Variants in HDAC9 observed in about 807,000 individuals in gnomAD.
HDAC9 encodes MEF-2 interacting transcription repressor (MITR) protein.
HDAC9 carries 41 observed loss-of-function variants against 139.4 expected under a neutral mutation model. That is an observed-to-expected ratio of 0.29 (90% CI 0.23 to 0.38). The LOEUF is 0.38. Among genes scored for constraint, HDAC9 ranks in the 10% least tolerant of loss-of-function variants. The pLI is 1.00. For synonymous variants in HDAC9, 517 were observed against 476.2 expected (o/e 1.09, Z -1.12); for missense variants, 1,147 against 1,297.0 (o/e 0.88, Z 1.78).
At chr7:18,384,332 A>C (rs531606314) in intron 1 of HDAC9, among the ~76,000 whole-genome samples, 40 of 152,276 alleles carry the variant, frequency 2.6e-4, no homozygotes, top group Non-Finnish European at 4.7e-4. Flanking sequence ...GCGTACACTC[A>C]AAACATATAC....
intron 1 of HDAC9, among the ~76,000 whole-genome samples, chr7:18,314,676 T>C (rs1483156020): frequency 6.6e-6 from 1 of 152,218 alleles, no homozygotes; most frequent in Admixed American, 6.5e-5. Flanking sequence ...AGTGAGATTT[T>C]ATTCTAGCTC....
chr7:18,334,946 C>T (rs1781477239), intron 1 of HDAC9, among the ~76,000 whole-genome samples: 1 of 151,470 alleles, frequency 6.6e-6, no homozygotes, highest in Non-Finnish European at 1.5e-5. Context: ...CTTCTCTCCC[C>T]TCTTTGGCTC....
At chr7:18,948,437 A>G (rs1782557608) in intron 23 of HDAC9, among the ~76,000 whole-genome samples, 1 of 152,076 alleles carries the variant, frequency 6.6e-6, no homozygotes, top group Non-Finnish European at 1.5e-5. Flanking sequence ...TTAATTATAT[A>G]TCTATATAAC....
intron 17 of HDAC9, among the ~76,000 whole-genome samples, chr7:18,817,326 G>A (rs765703459): frequency 5.9e-5 from 9 of 151,868 alleles, no homozygotes; most frequent in South Asian, 2.1e-4. Flanking sequence ...GAGCCACCGC[G>A]CCCGGCCGAG....
chr7:18,320,223 TG>T (rs1397864532), intron 1 of HDAC9, among the ~76,000 whole-genome samples: 1 of 152,216 alleles, frequency 6.6e-6, no homozygotes, highest in Non-Finnish European at 1.5e-5. Context: ...GAGATTAATT[TG>T]GGTTGATCAG....
chr7:18,962,070 G>T (rs944318540), intron 24 of HDAC9, among the ~76,000 whole-genome samples: 2 of 152,158 alleles, frequency 1.3e-5, no homozygotes, highest in Non-Finnish European at 2.9e-5. Flanking sequence ...AGAAGCCATG[G>T]AGCTGTGCGT....
chr7:18,559,633 C>G (rs1241695358), intron 2 of HDAC9, among the ~76,000 whole-genome samples: 1 of 152,108 alleles, frequency 6.6e-6, no homozygotes, highest in Non-Finnish European at 1.5e-5. Flanking sequence ...GTTTAAGGAG[C>G]TAAGGCCCCT....
intron 1 of HDAC9, among the ~76,000 whole-genome samples, chr7:18,326,495 A>G (rs1403436121): frequency 6.6e-6 from 1 of 151,982 alleles, no homozygotes; most frequent in African/African-American, 2.4e-5. Context: ...ACCAATTCTC[A>G]ATTCCTCTTC....
rs867049444 is a variant in HDAC9, at chr7:18,465,518, A to C, written c.-41-30744A>C. ...GCAGCTTTCATTTATAATTTTTTAAAGAGCAGAATGTAAACAATACAAATG... is the reference window on the plus strand; with the variant it reads ...GCAGCTTTCATTTATAATTTTTTAACGAGCAGAATGTAAACAATACAAATG... On this transcript the variant is annotated intron_variant, in intron 1 of 3. Coordinates refer to the HDAC9 transcript ENST00000413509. 2.4e-4 allele frequency among the ~76,000 whole-genome samples: 37 copies of C among 152,304 alleles called. 1 individual carries two copies. The highest frequency in any genetic ancestry group is 2.1e-3 in the South Asian group (10 of 4,830).
At position 18,590,357 on chromosome 7, in the gene HDAC9, A is replaced by G. The variant is rs200990910; in HGVS notation, c.286A>G (p.Ile96Val). 9.4e-5 allele frequency: 151 copies of G among 1,612,568 alleles called. No homozygotes were observed. The Middle Eastern group carries it at 1.8e-3, about 19-fold the overall frequency. Residue 96 changes from isoleucine to valine, a missense_variant, in exon 4 of 26, where the codon ATA (isoleucine) becomes GTA (valine). Ile to Val is a conservative substitution (Grantham distance 29). This residue lies in a region of HDAC9 where 136 missense variants were observed against 183.5 expected (regional missense o/e 0.74). Coordinates refer to ENST00000686413, the MANE Select transcript of HDAC9 (RefSeq NM_178425.4). ...HIKLQQELLA[I>V]KQQQELLEKE... The stretch of plus-strand genomic sequence containing the variant: ...CAAGTTGCAACAGGAACTTCTAGCC[A>G]TAAAACAGCAACAAGAACTCCTAGA...
intron 23 of HDAC9, among the ~76,000 whole-genome samples, chr7:18,944,859 A>G (rs1348972093): frequency 1.3e-5 from 2 of 152,196 alleles, no homozygotes; most frequent in Non-Finnish European, 2.9e-5. Flanking sequence ...GCAGCTAGCT[A>G]TATTTGATTC....
In HDAC9 at chr7:18,949,011, C is replaced by CT. The variant is rs1173448701; in HGVS notation, c.2938-5130dup. 10 of 406,054 alleles carry CT rather than the reference C, an allele frequency of 2.5e-5. No homozygotes were observed. In the East Asian group the frequency reaches 4.7e-4, roughly 19 times the overall value. 25.2% of individuals were successfully genotyped at this position (406,054 alleles called of 1,614,324 possible). A position where few individuals can be genotyped will look rare whatever the true frequency, so the allele number is the denominator to read the frequency against. ...GTTTCCAATTTGGGAAGAGAACCAC[C>CT]TTTTTGTGTACTTGCTTGCATTTTT... On this transcript the variant is annotated intron_variant, in intron 23 of 25. Coordinates refer to ENST00000686413, the MANE Select transcript of HDAC9 (RefSeq NM_178425.4).
At chr7:18,546,366 T>C (rs1443733343) in intron 2 of HDAC9, among the ~76,000 whole-genome samples, 1 of 152,174 alleles carries the variant, frequency 6.6e-6, no homozygotes, top group Non-Finnish European at 1.5e-5. Flanking sequence ...GGCATAAGGT[T>C]TCTTTGACTC....
chr7:18,392,311 TCTCTCA>T (rs1326546839), intron 1 of HDAC9, among the ~76,000 whole-genome samples: 94 of 124,594 alleles, frequency 7.5e-4, no homozygotes, highest in East Asian at 4.4e-3. Flanking sequence ...TCTCTCTCTC[TCTCTCA>T]CACACACACA....
At chr7:18,183,835 T>G (rs17346121) in intron 2 of HDAC9, among the ~76,000 whole-genome samples, 4,638 of 152,232 alleles carry the variant, frequency 0.03, 82 homozygotes, top group East Asian at 0.042. Context: ...ACATAAATGG[T>G]AAAGTATCCT....
At chr7:18,763,543 T>C (rs960859549) in intron 15 of HDAC9, among the ~76,000 whole-genome samples, 2 of 152,166 alleles carry the variant, frequency 1.3e-5, no homozygotes, top group African/African-American at 4.8e-5. Flanking sequence ...TCTAAACATA[T>C]ATGCTCATTT....
chr7:18,615,075 T>C (rs1457254091), intron 6 of HDAC9, among the ~76,000 whole-genome samples: 1 of 152,202 alleles, frequency 6.6e-6, no homozygotes, highest in African/African-American at 2.4e-5. Flanking sequence ...CAGTGTCTTA[T>C]TGAGTTATGG....
intron 22 of HDAC9, among the ~76,000 whole-genome samples, chr7:18,884,293 A>C (rs1288685331): frequency 6.6e-6 from 1 of 152,244 alleles, no homozygotes; most frequent in Non-Finnish European, 1.5e-5. Context: ...TCCAATGTTA[A>C]CAGCTACTGT....
rs1225337062 is a variant in HDAC9 at position 18,137,709 on chromosome 7, GTATTT to G, written c.-96-24515_-96-24511del. Among the ~76,000 whole-genome samples the G allele has an allele frequency of 1.4e-4, 21 of 152,020 alleles. No homozygotes were observed. The South Asian group carries it at 4.2e-3, about 30-fold the overall frequency. The stretch of plus-strand genomic sequence containing the variant: ...ATGTGCTGCTGGATTCGTTTTGCCA[GTATTT>G]TATTGAGAATTTTTGCATCAATGTT... On this transcript the variant is annotated intron_variant, in intron 1 of 12. Coordinates refer to the HDAC9 transcript ENST00000417496.
Sources: allele counts gnomAD v4.1 joint callset (sites outside exome capture counted in the v4.1 genomes callset), GRCh38; gene constraint gnomAD v4.1.1; regional missense constraint gnomAD v4.1.1; transcripts MANE v1.5; gene names NCBI Gene and HGNC (gene_info 2026-07-23, HGNC 2026-07-21).